Variants in CAMKMT observed in about 807,000 individuals in gnomAD.
CAMKMT encodes CaM KMT.
In CAMKMT, 53 loss-of-function variants were observed where a neutral mutation model predicts 48.0. The observed-to-expected ratio is 1.10, with a 90% CI of 0.89 to 1.39. The LOEUF is 1.39. CAMKMT is among the 40% of genes most tolerant of loss of function. The pLI, the probability that CAMKMT is intolerant of heterozygous loss-of-function variation, is 0.00. For missense variants in CAMKMT, 428 were observed against 402.7 expected (o/e 1.06, Z -0.54); for synonymous variants, 165 against 152.3 (o/e 1.08, Z -0.61).
chr2:44,593,236 G>A (rs1670420463), intron 3 of CAMKMT, among the ~76,000 whole-genome samples: 1 of 152,146 alleles, frequency 6.6e-6, no homozygotes, highest in Admixed American at 6.5e-5. Flanking sequence ...TTGTCAGACT[G>A]GCAGAAACAT....
At chr2:44,452,334 A>G (rs1043762184) in intron 3 of CAMKMT, among the ~76,000 whole-genome samples, 15 of 152,154 alleles carry the variant, frequency 9.9e-5, no homozygotes, top group African/African-American at 3.6e-4. Context: ...GCATAGCGCC[A>G]GTTATCTCAT....
chr2:44,679,030 A>G (rs1438754141), intron 3 of CAMKMT, among the ~76,000 whole-genome samples: 1 of 152,166 alleles, frequency 6.6e-6, no homozygotes, highest in East Asian at 1.9e-4. Flanking sequence ...CCTTAACAAA[A>G]TCCTCTTTCT....
intron 3 of CAMKMT, among the ~76,000 whole-genome samples, chr2:44,523,130 G>A (rs1259088986): frequency 1.1e-4 from 16 of 151,950 alleles, no homozygotes; most frequent in Non-Finnish European, 2.9e-5. Context: ...GGTTAGCTTT[G>A]CTGCATTAAA....
chr2:44,723,801 T>C (rs764166367), intron 7 of CAMKMT: 7 of 152,168 alleles, frequency 4.6e-5, no homozygotes, highest in African/African-American at 9.7e-5. Flanking sequence ...TTCATTAATC[T>C]TACAGGTCTT....
intron 3 of CAMKMT, among the ~76,000 whole-genome samples, chr2:44,405,477 A>G (rs1327971615): frequency 2.6e-5 from 4 of 152,134 alleles, no homozygotes; most frequent in Admixed American, 6.5e-5. Context: ...GAAGCTATGA[A>G]TATTGCAAAA....
At chr2:44,642,754 C>T (rs1364310987) in intron 3 of CAMKMT, among the ~76,000 whole-genome samples, 2 of 152,016 alleles carry the variant, frequency 1.3e-5, no homozygotes, top group Non-Finnish European at 2.9e-5. Flanking sequence ...TTGGGTCCAG[C>T]CTTCCCAGAG....
intron 3 of CAMKMT, among the ~76,000 whole-genome samples, chr2:44,505,514 C>T (rs1452571132): frequency 1.3e-5 from 2 of 152,182 alleles, no homozygotes; most frequent in East Asian, 3.9e-4. Flanking sequence ...GTTTTATAGT[C>T]TTATGTTTTA....
chr2:44,750,050 T>A (rs1680089848), intron 8 of CAMKMT, among the ~76,000 whole-genome samples: 1 of 152,202 alleles, frequency 6.6e-6, no homozygotes, highest in African/African-American at 2.4e-5. Context: ...AAATTCAAGT[T>A]GTGAATGGAA....
intron 3 of CAMKMT, among the ~76,000 whole-genome samples, chr2:44,481,869 T>C (rs1278201324): frequency 6.6e-6 from 1 of 152,056 alleles, no homozygotes; most frequent in Non-Finnish European, 1.5e-5. Flanking sequence ...ATGAGATATA[T>C]AGTTAAGTTT....
chr2:44,583,070 T>C (rs1157833314), intron 3 of CAMKMT, among the ~76,000 whole-genome samples: 1 of 152,226 alleles, frequency 6.6e-6, no homozygotes, highest in Non-Finnish European at 1.5e-5. Flanking sequence ...AGTCATTATT[T>C]GGGTATTGAT....
intron 1 of CAMKMT, among the ~76,000 whole-genome samples, chr2:44,368,647 A>G (rs965878911): frequency 1.3e-5 from 2 of 152,326 alleles, no homozygotes; most frequent in East Asian, 1.9e-4. Context: ...TTACCTTGAC[A>G]TCAGAGTACC....
At chr2:44,547,991 T>C (rs1667498590) in intron 3 of CAMKMT, among the ~76,000 whole-genome samples, 1 of 152,082 alleles carries the variant, frequency 6.6e-6, no homozygotes, top group Non-Finnish European at 1.5e-5. Context: ...AATATCCTGG[T>C]AGAGAGTGGG....
At position 44,408,714 on chromosome 2, in the gene CAMKMT, A is replaced by G. The variant is rs1485220182; in HGVS notation, c.376+18409A>G. Among the ~76,000 whole-genome samples, 3 of 151,910 alleles carry G rather than the reference A, an allele frequency of 2.0e-5. No individual in the cohort carries two copies. The South Asian group carries it at 6.2e-4, about 32-fold the overall frequency. Reference sequence around the variant, plus strand: ...GAAAGCTAGTATTCAGAAACATCCAATCAAGAAGCTCCTATGTTAAATTTA... The same window carrying G: ...GAAAGCTAGTATTCAGAAACATCCAGTCAAGAAGCTCCTATGTTAAATTTA... On this transcript the variant is annotated intron_variant, in intron 3 of 10. Transcript: ENST00000378494.
chr2:44,499,424 G>T (rs932335605), intron 3 of CAMKMT, among the ~76,000 whole-genome samples: 3 of 152,146 alleles, frequency 2.0e-5, no homozygotes, highest in African/African-American at 7.2e-5. Flanking sequence ...ATATAGTCAG[G>T]CTCAAGTTCT....
intron 2 of CAMKMT, among the ~76,000 whole-genome samples, chr2:44,376,744 C>G (rs1181164817): frequency 6.6e-6 from 1 of 152,130 alleles, no homozygotes; most frequent in Non-Finnish European, 1.5e-5. Flanking sequence ...ACCTTAAAAA[C>G]TTTGACCATT....
chr2:44,480,307 C>T (rs1668901706), intron 3 of CAMKMT, among the ~76,000 whole-genome samples: 1 of 152,214 alleles, frequency 6.6e-6, no homozygotes, highest in Non-Finnish European at 1.5e-5. Flanking sequence ...CACTTGCACA[C>T]ACATACACAC....
At chr2:44,702,020 T>A (rs1475104332) in intron 3 of CAMKMT, among the ~76,000 whole-genome samples, 1 of 152,208 alleles carries the variant, frequency 6.6e-6, no homozygotes, top group Non-Finnish European at 1.5e-5. Flanking sequence ...AATCAGCCTC[T>A]ATAATTTTTT....
chr2:44,734,012 A>G (rs1178008070), intron 7 of CAMKMT, among the ~76,000 whole-genome samples: 2 of 151,828 alleles, frequency 1.3e-5, no homozygotes, highest in African/African-American at 4.8e-5. Context: ...TCAAAGAATC[A>G]GTGTTTGGTT....
chr2:44,691,253 T>C (rs1046916009), intron 3 of CAMKMT, among the ~76,000 whole-genome samples: 1 of 152,194 alleles, frequency 6.6e-6, no homozygotes, highest in African/African-American at 2.4e-5. Context: ...TTCCGTATCC[T>C]CTGGTCCTGT....
Sources: allele counts gnomAD v4.1 joint callset (sites outside exome capture counted in the v4.1 genomes callset), GRCh38; gene constraint gnomAD v4.1.1; transcripts MANE v1.5; gene names NCBI Gene and HGNC (gene_info 2026-07-23, HGNC 2026-07-21).